The following BTRC variants were observed in gnomAD, a reference collection of about 807,000 sequenced individuals.
The protein encoded by BTRC is beta-transducin repeat containing E3 ubiquitin protein ligase.
A neutral mutation model predicts 85.5 loss-of-function variants in BTRC; 42 were observed. The ratio of observed to expected loss-of-function variants is 0.49; its 90% CI spans 0.38 to 0.64. The LOEUF is 0.64. Ranked by LOEUF, BTRC falls within the 30% of genes least tolerant of loss-of-function variation. The pLI, the probability that BTRC is intolerant of heterozygous loss-of-function variation, is 0.00. For missense variants in BTRC, 594 were observed against 743.5 expected, an observed-to-expected ratio of 0.80 and a Z score of 2.34; for synonymous variants, 255 against 263.3, an observed-to-expected ratio of 0.97 and a Z score of 0.30.
chr10:101,358,513 A>T (rs531168800), intron 1 of BTRC, among the ~76,000 whole-genome samples: 1 of 152,250 alleles, frequency 6.6e-6, no homozygotes, highest in Non-Finnish European at 1.5e-5. Context: ...TTTTATTTAT[A>T]GAGCTGATAG....
At chr10:101,385,612 C>CTTT (rs1418866692) in intron 1 of BTRC, among the ~76,000 whole-genome samples, 4 of 13,168 alleles carry the variant, frequency 3.0e-4, no homozygotes, top group African/African-American at 1.2e-3. Flanking sequence ...TTTCTTTCTT[C>CTTT]TTCTTCTTTT....
intron 1 of BTRC, among the ~76,000 whole-genome samples, chr10:101,363,773 T>C (rs1942283596): frequency 6.6e-6 from 1 of 152,136 alleles, no homozygotes. Context: ...TTGACAGATA[T>C]CTCTCTGAGG....
At chr10:101,412,025 A>G (rs1005644143) in intron 1 of BTRC, among the ~76,000 whole-genome samples, 5 of 152,190 alleles carry the variant, frequency 3.3e-5, no homozygotes, top group African/African-American at 1.2e-4. Context: ...AGTGAATGTC[A>G]TAAGTATTCA....
At position 101,480,808 on chromosome 10, in the gene BTRC, CAA is replaced by C. The variant is rs780254951; in HGVS notation, c.324+1353_324+1354del. 4.6e-5 allele frequency among the ~76,000 whole-genome samples: 7 copies of C among 152,304 alleles called. No homozygotes were observed. The East Asian group carries it at 1.2e-3, about 25-fold the overall frequency. On this transcript the variant is annotated intron_variant, in intron 4 of 14. Transcript: ENST00000370187. ...GGTAGAGTTCATCAGTTAAATGTCT[CAA>C]ATCCAAATATGTTAATATTTTGCTA... is the stretch of plus-strand genomic sequence containing the variant.
chr10:101,543,455 T>G (rs916728406), intron 13 of BTRC, among the ~76,000 whole-genome samples: 5 of 145,142 alleles, frequency 3.4e-5, no homozygotes, highest in African/African-American at 7.4e-5. Flanking sequence ...TTGGGCCATG[T>G]TTTTTTTTGT....
At chr10:101,490,367 A>G (rs1033989010) in intron 4 of BTRC, among the ~76,000 whole-genome samples, 6 of 152,188 alleles carry the variant, frequency 3.9e-5, no homozygotes, top group African/African-American at 1.2e-4. Flanking sequence ...CAGGCACTAT[A>G]TAGTGCTAGC....
At chr10:101,385,166 C>G (rs1943032658) in intron 1 of BTRC, among the ~76,000 whole-genome samples, 1 of 151,570 alleles carries the variant, frequency 6.6e-6, no homozygotes. Context: ...CCGCTGCATT[C>G]CAGCCTGGGA....
intron 1 of BTRC, among the ~76,000 whole-genome samples, chr10:101,367,508 T>G (rs1253179964): frequency 6.6e-6 from 1 of 152,008 alleles, no homozygotes; most frequent in Non-Finnish European, 1.5e-5. Flanking sequence ...GCTCAGTGAG[T>G]TTTTACCTAG....
intron 1 of BTRC, among the ~76,000 whole-genome samples, chr10:101,403,486 G>A (rs2134005246): frequency 6.6e-6 from 1 of 152,252 alleles, no homozygotes; most frequent in South Asian, 2.1e-4. Flanking sequence ...TGGCCATAAG[G>A]GATATTGGTC....
At chr10:101,381,843 A>T (rs1327137288) in intron 1 of BTRC, among the ~76,000 whole-genome samples, 2 of 151,950 alleles carry the variant, frequency 1.3e-5, no homozygotes, top group African/African-American at 2.4e-5. Flanking sequence ...GAACAAGAGC[A>T]TCCTTATTCC....
chr10:101,457,364 C>T (rs1945109618), intron 2 of BTRC, among the ~76,000 whole-genome samples: 1 of 152,184 alleles, frequency 6.6e-6, no homozygotes, highest in Non-Finnish European at 1.5e-5. Flanking sequence ...ATGTCAGGAG[C>T]AGACAATGTC....
At chr10:101,534,077 C>A (rs2062344278) in intron 9 of BTRC, among the ~76,000 whole-genome samples, 1 of 152,098 alleles carries the variant, frequency 6.6e-6, no homozygotes, top group South Asian at 2.1e-4. Flanking sequence ...ACACAAAATT[C>A]TCAAGCTATC....
At chr10:101,466,439 T>A (rs1945375145) in intron 3 of BTRC, among the ~76,000 whole-genome samples, 1 of 152,196 alleles carries the variant, frequency 6.6e-6, no homozygotes, top group South Asian at 2.1e-4. Context: ...TGTTAGCTTG[T>A]TCCTTTATTC....
intron 6 of BTRC, 36 bp downstream of exon 6, chr10:101,526,235 C>G (rs2062189432): frequency 6.4e-7 from 1 of 1,574,690 alleles, no homozygotes; most frequent in African/African-American, 1.3e-5. Context: ...TATACGGCTT[C>G]AGGACCTGGC....
At chr10:101,528,498 C>T (rs552858461) in intron 6 of BTRC, among the ~76,000 whole-genome samples, 66 of 152,142 alleles carry the variant, frequency 4.3e-4, no homozygotes, top group Non-Finnish European at 7.4e-4. Flanking sequence ...AACCCATTCC[C>T]GCTCTTTTGA....
chr10:101,379,888 A>G (rs992127578), intron 1 of BTRC, among the ~76,000 whole-genome samples: 1 of 152,226 alleles, frequency 6.6e-6, no homozygotes, highest in African/African-American at 2.4e-5. Flanking sequence ...GTAATAAGCT[A>G]TAAAAATACA....
chr10:101,542,392 C>G (rs2062482126), intron 13 of BTRC, among the ~76,000 whole-genome samples: 1 of 151,866 alleles, frequency 6.6e-6, no homozygotes, highest in Admixed American at 6.5e-5. Flanking sequence ...TAATTCTAAT[C>G]ACTACTTTAG....
chr10:101,533,111 G>C (rs200578010), intron 9 of BTRC, 41 bp downstream of exon 9: 1 of 1,404,576 alleles, frequency 7.1e-7, no homozygotes, highest in East Asian at 2.3e-5. Context: ...TGAAATATCA[G>C]CTCTGCTCTG....
intron 1 of BTRC, among the ~76,000 whole-genome samples, chr10:101,409,777 C>G (rs1187537460): frequency 6.6e-6 from 1 of 152,134 alleles, no homozygotes; most frequent in African/African-American, 2.4e-5. Flanking sequence ...TTGTGCAGTG[C>G]GTGAGTTACC....
Sources: allele counts gnomAD v4.1 joint callset (sites outside exome capture counted in the v4.1 genomes callset), GRCh38; gene constraint gnomAD v4.1.1; transcripts MANE v1.5; gene names NCBI Gene and HGNC (gene_info 2026-07-23, HGNC 2026-07-21).